The following CFDP1 variants were observed in gnomAD, a reference collection of about 807,000 sequenced individuals.
CFDP1 encodes the protein heterochromatin-stabilizing protein CFDP1.
CFDP1 carries 31 observed loss-of-function variants against 40.1 expected under a neutral mutation model. That is an observed-to-expected ratio of 0.77 (90% CI 0.58 to 1.04). The LOEUF (loss-of-function observed/expected upper bound fraction) is 1.04. CFDP1 is among the 50% of genes least tolerant of loss of function. The pLI is 0.00. For synonymous variants in CFDP1, 167 were observed against 120.0 expected, an observed-to-expected ratio of 1.39 and a Z score of -2.56; for missense variants, 423 against 343.4, an observed-to-expected ratio of 1.23 and a Z score of -1.83.
intron 5 of CFDP1, among the ~76,000 whole-genome samples, chr16:75,358,002 G>C (rs1170898892): frequency 1.3e-5 from 2 of 152,116 alleles, no homozygotes; most frequent in Admixed American, 6.6e-5. Context: ...TTACTAACTA[G>C]CCTAATTTCA....
intron 5 of CFDP1, among the ~76,000 whole-genome samples, chr16:75,347,705 C>T (rs572815209): frequency 1.3e-5 from 2 of 152,084 alleles, no homozygotes; most frequent in African/African-American, 4.8e-5. Context: ...CAAAGCAATA[C>T]AAAACCATAA....
chr16:75,393,606 C>T (rs2078970489), intron 5 of CFDP1, among the ~76,000 whole-genome samples: 1 of 150,948 alleles, frequency 6.6e-6, no homozygotes, highest in African/African-American at 2.4e-5. Context: ...TGGCGGGCGC[C>T]TGTAGTCCCA....
At chr16:75,328,524 GGGA>G (rs1281066228) in intron 5 of CFDP1, among the ~76,000 whole-genome samples, 1 of 146,536 alleles carries the variant, frequency 6.8e-6, no homozygotes, top group Non-Finnish European at 1.5e-5. Context: ...GCTTGAACCC[GGGA>G]GGCGGAGGGC....
intron 2 of CFDP1, among the ~76,000 whole-genome samples, chr16:75,414,358 T>C (rs1295501673): frequency 6.6e-6 from 1 of 152,206 alleles, no homozygotes; most frequent in Non-Finnish European, 1.5e-5. Context: ...TAACCATATG[T>C]ACATATTACC....
At chr16:75,374,022 C>A (rs1456584421) in intron 5 of CFDP1, among the ~76,000 whole-genome samples, 2 of 150,970 alleles carry the variant, frequency 1.3e-5, no homozygotes, top group East Asian at 3.9e-4. Context: ...GGAGGCCAAA[C>A]CAGGTGGATC....
intron 5 of CFDP1, among the ~76,000 whole-genome samples, chr16:75,307,277 G>A (rs1044290193): frequency 3.3e-5 from 5 of 151,932 alleles, no homozygotes; most frequent in South Asian, 2.1e-4. Flanking sequence ...GTGCAGATGC[G>A]TGATCTCGGC....
chr16:75,408,311 TA>T (rs1015114199), intron 4 of CFDP1, among the ~76,000 whole-genome samples: 2 of 149,648 alleles, frequency 1.3e-5, no homozygotes, highest in Non-Finnish European at 3.0e-5. Flanking sequence ...GATCCCATGT[TA>T]AAAAAAAAAT....
intron 5 of CFDP1, among the ~76,000 whole-genome samples, chr16:75,354,129 T>C (rs1371837223): frequency 6.6e-6 from 1 of 152,218 alleles, no homozygotes; most frequent in Non-Finnish European, 1.5e-5. Context: ...AGACTTTGTG[T>C]TACATGATTT....
intron 6 of CFDP1, among the ~76,000 whole-genome samples, chr16:75,304,361 C>T (rs781471467): frequency 6.6e-6 from 1 of 152,234 alleles, no homozygotes; most frequent in Non-Finnish European, 1.5e-5. Flanking sequence ...AACCACCATG[C>T]CTGGCCACCA....
intron 4 of CFDP1, among the ~76,000 whole-genome samples, chr16:75,400,756 G>C (rs868570806): frequency 6.6e-6 from 1 of 152,210 alleles, no homozygotes; most frequent in Non-Finnish European, 1.5e-5. Flanking sequence ...TGAGTTACAA[G>C]ATGGAGTGCT....
intron 1 of CFDP1, among the ~76,000 whole-genome samples, chr16:75,427,031 G>A (rs1338994550): frequency 1.4e-5 from 2 of 144,256 alleles, no homozygotes; most frequent in African/African-American, 5.1e-5. Context: ...CTCCAGCCTG[G>A]GGGACAGCGA....
intron 6 of CFDP1, among the ~76,000 whole-genome samples, chr16:75,297,146 T>TGTGTGTGTGTGTGTGTGTGTGTGTGTGTG (rs1491503380): frequency 2.3e-5 from 3 of 133,084 alleles, no homozygotes; most frequent in East Asian, 2.2e-4. Context: ...TTCCCATTTC[T>TGTGTGTGTGTGTGTGTGTGTGTGTGTGTG]TGTGTGTGTG....
At chr16:75,338,581 C>T (rs1018630245) in intron 5 of CFDP1, among the ~76,000 whole-genome samples, 24 of 152,328 alleles carry the variant, frequency 1.6e-4, no homozygotes, top group African/African-American at 5.8e-4. Context: ...AGTGATGTCA[C>T]TGCTGTTGAG....
intron 5 of CFDP1, among the ~76,000 whole-genome samples, chr16:75,385,011 T>C (rs1212973590): frequency 1.3e-5 from 2 of 151,404 alleles, no homozygotes; most frequent in African/African-American, 2.4e-5. Flanking sequence ...GATCATTGAT[T>C]TTAACTTATT....
chr16:75,374,661 AAC>A (rs975645074), intron 5 of CFDP1, among the ~76,000 whole-genome samples: 18 of 152,104 alleles, frequency 1.2e-4, no homozygotes, highest in Non-Finnish European at 2.1e-4. Flanking sequence ...TTAAAAAAAA[AAC>A]ACACAGAAAT....
chr16:75,298,837 A>T (rs1482703141), intron 6 of CFDP1, among the ~76,000 whole-genome samples: 1 of 152,186 alleles, frequency 6.6e-6, no homozygotes, highest in Non-Finnish European at 1.5e-5. Flanking sequence ...AGTGACCCTG[A>T]GGAGTCATGA....
chr16:75,430,039 C>T (rs1285039240), intron 1 of CFDP1, among the ~76,000 whole-genome samples: 2 of 152,300 alleles, frequency 1.3e-5, no homozygotes, highest in South Asian at 2.1e-4. Context: ...GACAGGACAA[C>T]TCGGGGTGGG....
rs10706144 is a variant in CFDP1, at chr16:75,420,111, C to CAA, written c.65-5418_65-5417dup. Among the ~76,000 whole-genome samples the CAA allele has an allele frequency of 4.8e-3, 301 of 62,252 alleles. 1 individual carries two copies. Among genetic ancestry groups the CAA allele is most frequent in the South Asian group, 0.012 (19 of 1,622 alleles). The allele number at this position is 62,252 out of a possible 152,430, so 40.8% of individuals were successfully genotyped here. A position where few individuals can be genotyped will look rare whatever the true frequency, so the allele number is the denominator to read the frequency against. On this transcript the variant is annotated intron_variant, in intron 1 of 6. Transcript: ENST00000283882. ...GAACAACACAGTGAGACCTTCATCT[C>CAA]AAAAAAAAAAAAAAAAAAAAAAAAA...
At chr16:75,335,914 T>C (rs937329971) in intron 5 of CFDP1, among the ~76,000 whole-genome samples, 2 of 151,676 alleles carry the variant, frequency 1.3e-5, no homozygotes, top group African/African-American at 4.8e-5. Flanking sequence ...CAAGCAAGAG[T>C]AAAAAATACC....
Sources: gnomAD v4.1 joint callset for allele counts (sites outside exome capture counted in the v4.1 genomes callset) on GRCh38, gnomAD v4.1.1 for gene constraint, MANE v1.5 for transcripts, NCBI Gene and HGNC (gene_info 2026-07-23, HGNC 2026-07-21) for gene names.